The following MACROD2 variants were observed in gnomAD, a reference collection of about 807,000 sequenced individuals.
MACROD2 encodes the protein ADP-ribose glycohydrolase MACROD2.
In MACROD2, 36 loss-of-function variants were observed where a neutral mutation model predicts 70.4. The observed-to-expected ratio is 0.51, with a 90% CI of 0.39 to 0.68. The LOEUF is 0.68. Among genes scored for constraint, MACROD2 ranks in the 30% least tolerant of loss-of-function variants. The pLI, the probability that MACROD2 is intolerant of heterozygous loss-of-function variation, is 0.00. For missense variants in MACROD2, 496 were observed against 538.4 expected (o/e 0.92, Z 0.78); for synonymous variants, 172 against 178.8 (o/e 0.96, Z 0.30).
At chr20:15,633,854 T>C (rs1396745655) in intron 8 of MACROD2, among the ~76,000 whole-genome samples, 1 of 152,248 alleles carries the variant, frequency 6.6e-6, no homozygotes, top group Non-Finnish European at 1.5e-5. Context: ...TAAATGGTTT[T>C]GTATGAATCT....
intron 5 of MACROD2, among the ~76,000 whole-genome samples, chr20:15,068,337 C>T (rs1045141023): frequency 1.3e-5 from 2 of 152,114 alleles, no homozygotes; most frequent in African/African-American, 4.8e-5. Flanking sequence ...AAAATATTCT[C>T]AAAATACCAA....
At chr20:14,827,327 C>G (rs2072913099) in intron 5 of MACROD2, among the ~76,000 whole-genome samples, 1 of 152,134 alleles carries the variant, frequency 6.6e-6, no homozygotes, top group African/African-American at 2.4e-5. Flanking sequence ...GAAGTTGTAA[C>G]AGTTATTGAC....
At chr20:15,075,048 G>A (rs1296876661) in intron 5 of MACROD2, among the ~76,000 whole-genome samples, 1 of 152,164 alleles carries the variant, frequency 6.6e-6, no homozygotes, top group Non-Finnish European at 1.5e-5. Flanking sequence ...GGTGAAAGGA[G>A]TTCTTGAAAG....
chr20:16,041,186 C>A lies in MACROD2; in HGVS notation c.1154-15C>A. On this transcript the variant is annotated splice_polypyrimidine_tract_variant and intron_variant, in intron 15 of 17. Coordinates refer to ENST00000684519, the MANE Select transcript of MACROD2 (RefSeq NM_001351661.2). Reference sequence around the variant, plus strand: ...TTCTCTATTCATCAGGGACTGTGGTCTTTTTCTCTTCCAGCTCCAGGCGAG... The same window carrying A: ...TTCTCTATTCATCAGGGACTGTGGTATTTTTCTCTTCCAGCTCCAGGCGAG... The A allele has an allele frequency of 6.2e-7, 1 of 1,609,276 alleles. No homozygotes were observed. Among genetic ancestry groups the A allele is most frequent in the South Asian group, 1.1e-5 (1 of 90,578 alleles).
chr20:14,019,466 G>A (rs367685021), intron 2 of MACROD2, among the ~76,000 whole-genome samples: 16 of 152,194 alleles, frequency 1.1e-4, no homozygotes, highest in African/African-American at 3.1e-4. Flanking sequence ...GTAGAGATGG[G>A]GTTTCACTGT....
intron 6 of MACROD2, among the ~76,000 whole-genome samples, chr20:15,294,573 AC>A (rs1487893147): frequency 6.6e-6 from 1 of 151,916 alleles, no homozygotes; most frequent in Non-Finnish European, 1.5e-5. Flanking sequence ...TCTCCCCTTC[AC>A]CTTTTCACCT....
intron 10 of MACROD2, among the ~76,000 whole-genome samples, chr20:15,922,506 G>A (rs916014273): frequency 1.3e-5 from 2 of 152,128 alleles, no homozygotes; most frequent in South Asian, 2.1e-4. Context: ...CTCGTAGTCC[G>A]TGGAGTGCCC....
intron 3 of MACROD2, among the ~76,000 whole-genome samples, chr20:14,478,873 GT>G: frequency 6.6e-6 from 1 of 152,152 alleles, no homozygotes; most frequent in South Asian, 2.1e-4. Flanking sequence ...TCTGGTGCTG[GT>G]GGGGCTCCCA....
At chr20:15,763,141 G>A (rs1319103829) in intron 8 of MACROD2, among the ~76,000 whole-genome samples, 1 of 152,134 alleles carries the variant, frequency 6.6e-6, no homozygotes, top group Non-Finnish European at 1.5e-5. Flanking sequence ...AATTTTACCT[G>A]ATAACTGATA....
chr20:15,415,058 C>A (rs2046128003), intron 6 of MACROD2, among the ~76,000 whole-genome samples: 1 of 152,110 alleles, frequency 6.6e-6, no homozygotes, highest in East Asian at 1.9e-4. Flanking sequence ...AGAGGGGAGC[C>A]ATGTATGGTG....
intron 3 of MACROD2, among the ~76,000 whole-genome samples, chr20:14,230,631 T>TTTTATATATATATATATA (rs1435234921): frequency 5.3e-5 from 5 of 94,262 alleles, no homozygotes; most frequent in African/African-American, 2.8e-4. Flanking sequence ...TCATTCATGT[T>TTTTATATATATATATATA]TATATATATA....
intron 3 of MACROD2, among the ~76,000 whole-genome samples, chr20:14,214,743 C>G (rs982798425): frequency 9.9e-5 from 15 of 151,692 alleles, no homozygotes; most frequent in African/African-American, 3.6e-4. Context: ...AGTCTTCTAT[C>G]CCTCGCTCCC....
At chr20:15,787,911 T>C (rs1480165205) in intron 8 of MACROD2, among the ~76,000 whole-genome samples, 2 of 152,202 alleles carry the variant, frequency 1.3e-5, no homozygotes. Context: ...TTTGGGGGAA[T>C]TGCAATGTTT....
At chr20:15,881,567 G>A (rs2064754724) in intron 9 of MACROD2, among the ~76,000 whole-genome samples, 1 of 152,098 alleles carries the variant, frequency 6.6e-6, no homozygotes, top group African/African-American at 2.4e-5. Flanking sequence ...GAATAGTGAA[G>A]TTATCTATTA....
chr20:15,151,195 A>G (rs1014862471), intron 5 of MACROD2, among the ~76,000 whole-genome samples: 3 of 151,984 alleles, frequency 2.0e-5, no homozygotes, highest in African/African-American at 7.3e-5. Flanking sequence ...TGGACAGTCC[A>G]ATTTTCAGTG....
intron 7 of MACROD2, among the ~76,000 whole-genome samples, chr20:15,442,368 T>C (rs1382315393): frequency 6.6e-6 from 1 of 152,144 alleles, no homozygotes; most frequent in Non-Finnish European, 1.5e-5. Context: ...ATCATGTTTA[T>C]TTACCACTCT....
chr20:15,761,181 G>A (rs148761361), intron 8 of MACROD2, among the ~76,000 whole-genome samples: 32 of 152,250 alleles, frequency 2.1e-4, no homozygotes, highest in Middle Eastern at 3.4e-3. Context: ...AAGTAGCTGG[G>A]ATCACAGGCA....
chr20:15,331,012 T>C lies in MACROD2; in HGVS notation c.541-100393T>C, dbSNP rs958155130. ...AAAACGGAGGCAAAAATACTTCAGCTTTGATGCCTTATGAAAAGAGAAAAT... is the reference window on the plus strand; with the variant it reads ...AAAACGGAGGCAAAAATACTTCAGCCTTGATGCCTTATGAAAAGAGAAAAT... On this transcript the variant is annotated intron_variant, in intron 6 of 17. Transcript: ENST00000684519. Among the ~76,000 whole-genome samples the C allele has an allele frequency of 2.7e-4, 41 of 151,628 alleles. 2 individuals carry two copies. Among genetic ancestry groups the C allele is most frequent in the Non-Finnish European group, 4.3e-4 (29 of 68,014 alleles).
At chr20:14,235,021 A>T (rs1011478621) in intron 3 of MACROD2, among the ~76,000 whole-genome samples, 1 of 152,140 alleles carries the variant, frequency 6.6e-6, no homozygotes, top group Non-Finnish European at 1.5e-5. Context: ...TAATGTGAAA[A>T]AAAGAGGCCC....
Sources: gnomAD v4.1 joint callset for allele counts (sites outside exome capture counted in the v4.1 genomes callset) on GRCh38, gnomAD v4.1.1 for gene constraint, MANE v1.5 for transcripts, NCBI Gene and HGNC (gene_info 2026-07-23, HGNC 2026-07-21) for gene names.